PRKN: variants seen among roughly 807,000 people sequenced by gnomAD.
The protein encoded by PRKN is parkin RBR E3 ubiquitin protein ligase.
A neutral mutation model predicts 59.5 loss-of-function variants in PRKN; 56 were observed. That is an observed-to-expected ratio of 0.94 (90% CI 0.76 to 1.18). The LOEUF (loss-of-function observed/expected upper bound fraction) is 1.18, where lower values mean the gene tolerates loss of function less well. PRKN is among the 50% of genes most tolerant of loss of function. PRKN has a pLI of 0.00. For synonymous variants in PRKN, 250 were observed against 222.1 expected (o/e 1.13, Z -1.12); for missense variants, 657 against 596.4 (o/e 1.10, Z -1.06).
At chr6:161,636,768 A>T (rs12525451) in intron 7 of PRKN, among the ~76,000 whole-genome samples, 42,935 of 151,860 alleles carry the variant, frequency 0.28, 6,644 homozygotes, top group Middle Eastern at 0.43. Flanking sequence ...ATTAAACAGG[A>T]GGCCCAACAG....
intron 4 of PRKN, among the ~76,000 whole-genome samples, chr6:162,186,853 A>G (rs991125093): frequency 1.3e-5 from 2 of 152,186 alleles, no homozygotes; most frequent in East Asian, 3.9e-4. Context: ...TAGAAGCATA[A>G]GCCACTATGC....
chr6:162,315,783 T>C (rs1782731232), intron 2 of PRKN, among the ~76,000 whole-genome samples: 1 of 152,166 alleles, frequency 6.6e-6, no homozygotes, highest in South Asian at 2.1e-4. Flanking sequence ...TTCCACTCCA[T>C]CCATTCATTT....
At chr6:162,059,880 C>G (rs1040692101) in intron 4 of PRKN, among the ~76,000 whole-genome samples, 9 of 152,144 alleles carry the variant, frequency 5.9e-5, no homozygotes, top group African/African-American at 1.7e-4. Flanking sequence ...GAAATGTTTT[C>G]ATGTTTGTTA....
intron 7 of PRKN, among the ~76,000 whole-genome samples, chr6:161,630,615 T>C (rs774899018): frequency 6.6e-6 from 1 of 152,176 alleles, no homozygotes; most frequent in Non-Finnish European, 1.5e-5. Context: ...CAGAGTCAAA[T>C]TCAAACTTTC....
intron 6 of PRKN, among the ~76,000 whole-genome samples, chr6:161,957,535 C>T (rs1046857703): frequency 2.0e-5 from 3 of 151,956 alleles, no homozygotes; most frequent in Admixed American, 6.6e-5. Context: ...AGCGATCCTC[C>T]TGCCTCAGCC....
intron 1 of PRKN, among the ~76,000 whole-genome samples, chr6:162,556,304 A>G (rs965269100): frequency 1.7e-4 from 25 of 149,276 alleles, no homozygotes; most frequent in Non-Finnish European, 3.6e-4. Flanking sequence ...GAGGCAACTG[A>G]AGGCGGGCAG....
At chr6:162,097,898 T>A (rs1451037003) in intron 4 of PRKN, among the ~76,000 whole-genome samples, 2 of 152,206 alleles carry the variant, frequency 1.3e-5, no homozygotes, top group South Asian at 2.1e-4. Flanking sequence ...TGAAATTTTT[T>A]AATTACCGAT....
At chr6:161,847,510 T>C (rs1260944391) in intron 6 of PRKN, among the ~76,000 whole-genome samples, 1 of 152,148 alleles carries the variant, frequency 6.6e-6, no homozygotes, top group Non-Finnish European at 1.5e-5. Context: ...GGGTATTTTG[T>C]GGCATGAATA....
At chr6:162,719,723 C>G (rs1228975621) in intron 1 of PRKN, among the ~76,000 whole-genome samples, 1 of 152,152 alleles carries the variant, frequency 6.6e-6, no homozygotes, top group East Asian at 1.9e-4. Flanking sequence ...ACATTACAAC[C>G]CACAGTCAAG....
chr6:161,407,325 G>C lies in PRKN; in HGVS notation c.1084-20448C>G, dbSNP rs1787323676. Reference sequence around the variant, plus strand: ...GCTTCTCATTTGGCAAAGCTGAAAAGGGAGGGGCTGGGGAAGGGGGCAGCT... The same window carrying C: ...GCTTCTCATTTGGCAAAGCTGAAAACGGAGGGGCTGGGGAAGGGGGCAGCT... On this transcript the variant is annotated intron_variant, in intron 9 of 11. Transcript: ENST00000366898. This position sits in a 1 kb window ranked among gnomAD's most constrained non-coding sequence, Gnocchi z 4.9. 1.3e-5 allele frequency among the ~76,000 whole-genome samples: 2 copies of C among 151,986 alleles called. No homozygotes were observed. The highest frequency in any genetic ancestry group is 4.8e-5 in the African/African-American group (2 of 41,350).
chr6:161,782,819 G>A (rs746870707), intron 7 of PRKN, among the ~76,000 whole-genome samples: 6 of 151,886 alleles, frequency 4.0e-5, no homozygotes, highest in Non-Finnish European at 5.9e-5. Flanking sequence ...ACTTGAACCC[G>A]GGAGGCCAAG....
At chr6:162,236,812 GAGAGAGAGGGAC>G (rs1778748059) in intron 3 of PRKN, among the ~76,000 whole-genome samples, 2 of 150,394 alleles carry the variant, frequency 1.3e-5, no homozygotes, top group Middle Eastern at 3.2e-3. Context: ...GAAAGAAAGA[GAGAGAGAGGGAC>G]AGAGAGAGAG....
At chr6:162,632,029 AACGCTTAT>A (rs1783129534) in intron 1 of PRKN, among the ~76,000 whole-genome samples, 2 of 152,112 alleles carry the variant, frequency 1.3e-5, no homozygotes, top group Non-Finnish European at 2.9e-5. Flanking sequence ...AACAAAAGGA[AACGCTTAT>A]ACACTTACAC....
intron 1 of PRKN, among the ~76,000 whole-genome samples, chr6:162,708,907 C>T (rs73024474): frequency 1.6e-3 from 245 of 152,298 alleles, no homozygotes; most frequent in Middle Eastern, 3.4e-3. Context: ...GCCAGTAAAC[C>T]TTCCTCTGTA....
chr6:161,938,992 T>G (rs552499076), intron 6 of PRKN, among the ~76,000 whole-genome samples: 1 of 152,326 alleles, frequency 6.6e-6, no homozygotes, highest in South Asian at 2.1e-4. Context: ...CTGAGAGTCA[T>G]GACTTTGTTT....
chr6:162,632,772 C>A (rs1302167401), intron 1 of PRKN, among the ~76,000 whole-genome samples: 1 of 151,738 alleles, frequency 6.6e-6, no homozygotes, highest in Non-Finnish European at 1.5e-5. Flanking sequence ...GAAAAATATG[C>A]CCAAGACAAA....
At chr6:162,104,436 G>C (rs554492140) in intron 4 of PRKN, among the ~76,000 whole-genome samples, 32 of 152,212 alleles carry the variant, frequency 2.1e-4, no homozygotes, top group Admixed American at 1.7e-3. Flanking sequence ...ATCTGATTTT[G>C]GAGGTAAGTA....
In PRKN at chr6:161,461,259, G is replaced by A. The variant is rs568755855; in HGVS notation, c.1084-74382C>T. 5.0e-4 allele frequency among the ~76,000 whole-genome samples: 76 copies of A among 152,248 alleles called. No homozygotes were observed. The highest frequency in any genetic ancestry group is 1.2e-3 in the African/African-American group (50 of 41,534). On this transcript the variant is annotated intron_variant, in intron 9 of 11. Coordinates refer to ENST00000366898, the MANE Select transcript of PRKN (RefSeq NM_004562.3). The surrounding 1 kb of genome is among the most constrained non-coding windows in gnomAD (Gnocchi z 5.1). Reference sequence around the variant, plus strand: ...AAAGTACTCAGTGAGTTCCGGACCCGGAAATGGTTCAACATGAGTTAAGTA... The same window carrying A: ...AAAGTACTCAGTGAGTTCCGGACCCAGAAATGGTTCAACATGAGTTAAGTA...
intron 2 of PRKN, among the ~76,000 whole-genome samples, chr6:162,304,275 C>T (rs1205426847): frequency 5.3e-5 from 8 of 150,520 alleles, no homozygotes; most frequent in Admixed American, 1.3e-4. Flanking sequence ...TTTATTTATG[C>T]TGTTTTTTTC....
Sources: allele counts gnomAD v4.1 joint callset (sites outside exome capture counted in the v4.1 genomes callset), GRCh38; gene constraint gnomAD v4.1.1; non-coding constraint Gnocchi (gnomAD v3.1); transcripts MANE v1.5; gene names NCBI Gene and HGNC (gene_info 2026-07-23, HGNC 2026-07-21).